TNKS: variants seen among roughly 807,000 people sequenced by gnomAD.
TNKS encodes the protein tankyrase, also known as poly [ADP-ribose] polymerase tankyrase-1.
In TNKS, 72 loss-of-function variants were observed where a neutral mutation model predicts 135.8. The ratio of observed to expected loss-of-function variants is 0.53; its 90% CI spans 0.44 to 0.64. TNKS has a LOEUF of 0.64. Among genes scored for constraint, TNKS ranks in the 30% least tolerant of loss-of-function variants. The pLI, the probability that TNKS is intolerant of heterozygous loss-of-function variation, is 0.00. For missense variants in TNKS, 1,769 were observed against 1,674.0 expected (o/e 1.06, Z -0.99); for synonymous variants, 849 against 649.3 (o/e 1.31, Z -4.68).
At chr8:9,685,334 T>A (rs745325930) in intron 5 of TNKS, among the ~76,000 whole-genome samples, 2 of 152,154 alleles carry the variant, frequency 1.3e-5, no homozygotes, top group Non-Finnish European at 2.9e-5. Context: ...AGTTTTTAAT[T>A]TACTCACTCT....
intron 17 of TNKS, among the ~76,000 whole-genome samples, chr8:9,742,365 T>A (rs926473009): frequency 4.6e-5 from 7 of 152,000 alleles, no homozygotes; most frequent in African/African-American, 1.7e-4. Flanking sequence ...ATACCTTTTT[T>A]TTGTTTTTTA....
chr8:9,734,404 A>G (rs939929459), intron 15 of TNKS, among the ~76,000 whole-genome samples: 2 of 152,232 alleles, frequency 1.3e-5, no homozygotes, highest in African/African-American at 4.8e-5. Context: ...AATCTTAAAA[A>G]TATTACCAAA....
rs114598301 is a variant in TNKS, at chr8:9,777,916, G to C, written c.*1180G>C. On this transcript the variant is annotated 3_prime_UTR_variant, in exon 27 of 27. Transcript: ENST00000310430. ...GACTTTTTTGTTTACTCCAGATTTG[G>C]GGTTTATTTTGAGTGGCATGCTTCA... 0.018 allele frequency: 2,687 copies of C among 152,606 alleles called. 43 individuals carry two copies. Among genetic ancestry groups the C allele is most frequent in the African/African-American group, 0.046 (1,895 of 41,514 alleles). 9.5% of individuals were successfully genotyped at this position (152,606 alleles called of 1,614,324 possible). A position where few individuals can be genotyped will look rare whatever the true frequency, so the allele number is the denominator to read the frequency against.
intron 3 of TNKS, among the ~76,000 whole-genome samples, chr8:9,632,008 G>GTAT (rs765171034): frequency 1.9e-4 from 29 of 152,086 alleles, no homozygotes; most frequent in Middle Eastern, 3.2e-3. Flanking sequence ...TTTCAGCAGA[G>GTAT]TATTAATGGC....
intron 20 of TNKS, among the ~76,000 whole-genome samples, chr8:9,753,660 A>G (rs534760983): frequency 6.6e-6 from 1 of 152,330 alleles, no homozygotes; most frequent in South Asian, 2.1e-4. Context: ...AAGAATGGGA[A>G]AGGTGTTTAG....
chr8:9,776,723 A>G lies in TNKS; in HGVS notation c.3971A>G (p.Glu1324Gly). The G allele has an allele frequency of 6.2e-7, 1 of 1,614,026 alleles. No homozygotes were observed. The highest frequency in any genetic ancestry group is 8.5e-7 in the Non-Finnish European group (1 of 1,179,912). The change falls in exon 27 of 27, where the codon GAG becomes GGG. Residue 1324 changes from glutamate (E) to glycine (G), a missense_variant. Transcript: ENST00000310430. ...EAPSQTATAA[E>G]QKT The stretch of plus-strand genomic sequence containing the variant: ...CCTTCCCAGACCGCAACAGCCGCAG[A>G]GCAGAAGACCTAGTGAATGCCTGCT...
At chr8:9,730,541 A>G (rs1161373023) in intron 13 of TNKS, among the ~76,000 whole-genome samples, 1 of 152,190 alleles carries the variant, frequency 6.6e-6, no homozygotes, top group Non-Finnish European at 1.5e-5. Context: ...ATACGCTATG[A>G]CAAACAGTAG....
At chr8:9,616,330 G>C (rs1315342578) in intron 3 of TNKS, among the ~76,000 whole-genome samples, 4 of 152,134 alleles carry the variant, frequency 2.6e-5, no homozygotes, top group African/African-American at 9.7e-5. Flanking sequence ...TGCTCTAAGT[G>C]TTTTCATTGA....
At chr8:9,665,236 C>T (rs533369565) in intron 3 of TNKS, among the ~76,000 whole-genome samples, 8 of 152,244 alleles carry the variant, frequency 5.3e-5, no homozygotes, top group African/African-American at 1.9e-4. Flanking sequence ...AATATTTTTA[C>T]TGGGGCTAGT....
At chr8:9,646,400 T>C (rs556535485) in intron 3 of TNKS, among the ~76,000 whole-genome samples, 1 of 152,276 alleles carries the variant, frequency 6.6e-6, no homozygotes, top group African/African-American at 2.4e-5. Context: ...TATTCTTCAT[T>C]TTCTAGCTTG....
intron 2 of TNKS, among the ~76,000 whole-genome samples, chr8:9,596,281 T>C (rs1460400573): frequency 6.6e-6 from 1 of 152,202 alleles, no homozygotes; most frequent in Non-Finnish European, 1.5e-5. Context: ...GAAACTCATA[T>C]ATTATTAGAA....
intron 1 of TNKS, 77 bp from the exon 2 acceptor site, chr8:9,580,082 A>T: frequency 8.1e-7 from 1 of 1,234,196 alleles, no homozygotes; most frequent in Non-Finnish European, 1.2e-6. Context: ...ATACTTGTTG[A>T]TATTGTTACA....
intron 1 of TNKS, among the ~76,000 whole-genome samples, chr8:9,571,859 C>G (rs926054264): frequency 2.6e-5 from 4 of 152,134 alleles, no homozygotes; most frequent in Non-Finnish European, 4.4e-5. Flanking sequence ...AGTTTCTCAC[C>G]TCTTGATTTA....
At chr8:9,717,103 T>TTTA (rs1554476741) in intron 11 of TNKS, among the ~76,000 whole-genome samples, 4 of 39,332 alleles carry the variant, frequency 1.0e-4, no homozygotes, top group Non-Finnish European at 1.7e-4. Context: ...ATATATATAT[T>TTTA]TTCAGGGAAT....
chr8:9,647,458 G>A (rs543380635), intron 3 of TNKS, among the ~76,000 whole-genome samples: 1 of 152,116 alleles, frequency 6.6e-6, no homozygotes, highest in South Asian at 2.1e-4. Context: ...TTTTGCCACT[G>A]TTGAGCAAAA....
chr8:9,720,251 A>G, intron 11 of TNKS, 123 bp from the exon 12 acceptor site: 1 of 896,330 alleles, frequency 1.1e-6, no homozygotes, highest in Non-Finnish European at 1.6e-6. Flanking sequence ...TATAATCAAT[A>G]TCTATGAGAC....
At chr8:9,696,585 A>G (rs1803524890) in intron 5 of TNKS, among the ~76,000 whole-genome samples, 1 of 152,166 alleles carries the variant, frequency 6.6e-6, no homozygotes, top group Non-Finnish European at 1.5e-5. Context: ...TAGAACTGAT[A>G]AACGATTTTA....
chr8:9,758,601 T>G (rs1806972549), intron 20 of TNKS, among the ~76,000 whole-genome samples: 1 of 152,180 alleles, frequency 6.6e-6, no homozygotes, highest in Non-Finnish European at 1.5e-5. Context: ...CTTAGTTGGG[T>G]GCCTCTGGCT....
intron 2 of TNKS, among the ~76,000 whole-genome samples, chr8:9,604,887 TA>T (rs1799158069): frequency 6.6e-6 from 1 of 152,118 alleles, no homozygotes; most frequent in African/African-American, 2.4e-5. Context: ...TATACTTCAG[TA>T]CTTCAGTCTT....
Sources: allele counts gnomAD v4.1 joint callset (sites outside exome capture counted in the v4.1 genomes callset), GRCh38; gene constraint gnomAD v4.1.1; transcripts MANE v1.5; gene names NCBI Gene and HGNC (gene_info 2026-07-23, HGNC 2026-07-21).